Variants in LAMC1 observed in about 807,000 individuals in gnomAD.
LAMC1 encodes laminin subunit gamma 1.
Under a neutral mutation model 173.6 loss-of-function variants are expected in LAMC1, and 38 were observed. The observed-to-expected ratio is 0.22, with a 90% confidence interval of 0.17 to 0.29. LAMC1 has a LOEUF of 0.29. Ranked by LOEUF, LAMC1 falls within the 10% of genes least tolerant of loss-of-function variation. LAMC1 has a pLI of 1.00. For missense variants in LAMC1, 1,824 were observed against 2,051.8 expected (o/e 0.89, Z 2.14); for synonymous variants, 746 against 749.1 (o/e 1.00, Z 0.07).
At chr1:183,106,226 C>T (rs1186545168) in intron 2 of LAMC1, among the ~76,000 whole-genome samples, 1 of 152,168 alleles carries the variant, frequency 6.6e-6, no homozygotes, top group East Asian at 1.9e-4. Flanking sequence ...TTTTGAGAAG[C>T]TCTTATTCAA....
rs1243788218 is a variant in LAMC1, at chr1:183,140,421, A to G, written c.4491A>G (p.Gln1497=). 9 of 1,612,872 alleles carry G rather than the reference A, an allele frequency of 5.6e-6. No individual in the cohort carries two copies. In the Admixed American group the frequency reaches 1.0e-4, roughly 18 times the overall value. ...MMAGMASQAA[Q]EAEINARKAK... ...CCTTACAGGCTTCACAGGCTGCTCAAGAAGCCGAGATCAATGCCAGAAAAG... is the reference window on the plus strand; with the variant it reads ...CCTTACAGGCTTCACAGGCTGCTCAGGAAGCCGAGATCAATGCCAGAAAAG... Residue 1497 remains glutamine, a synonymous_variant, in exon 27 of 28, where the codon CAA becomes CAG. Transcript: ENST00000258341.
intron 1 of LAMC1, among the ~76,000 whole-genome samples, chr1:183,036,124 C>T (rs1558028397): frequency 1.4e-5 from 2 of 144,312 alleles, no homozygotes; most frequent in Non-Finnish European, 1.5e-5. Flanking sequence ...TTTAAGACAG[C>T]GTCTTGCTCT....
chr1:183,082,766 G>C (rs1327310251), intron 1 of LAMC1, among the ~76,000 whole-genome samples: 1 of 152,200 alleles, frequency 6.6e-6, no homozygotes, highest in Non-Finnish European at 1.5e-5. Context: ...TTAATTGGGG[G>C]TTTATTAGGA....
At chr1:183,029,786 CAG>C (rs1239038916) in intron 1 of LAMC1, among the ~76,000 whole-genome samples, 4 of 152,158 alleles carry the variant, frequency 2.6e-5, no homozygotes, top group African/African-American at 4.8e-5. Context: ...AAGGACGAGT[CAG>C]GGGTTTAGTA....
intron 13 of LAMC1, 118 bp from the exon 14 acceptor site, chr1:183,124,513 A>G (rs1167733544): frequency 2.1e-5 from 27 of 1,269,798 alleles, no homozygotes; most frequent in Non-Finnish European, 2.8e-5. Context: ...TCTGCCCTCC[A>G]CTGCACCATG....
chr1:183,137,897 T>G lies in LAMC1; in HGVS notation c.4473+70T>G. The G allele has an allele frequency of 4.6e-6, 6 of 1,307,366 alleles. No individual in the cohort carries two copies. In the South Asian group the frequency reaches 9.8e-5, roughly 21 times the overall value. 81.0% of individuals were successfully genotyped at this position (1,307,366 alleles called of 1,614,324 possible). On this transcript the variant is annotated intron_variant, in intron 26 of 27. Transcript: ENST00000258341. ...TGTTTAATAATAAAGATCCCCCACT[T>G]GTTGAGAAGAGTCTTTTTTATATTG...
chr1:183,088,061 C>A (rs1383719603), intron 1 of LAMC1, among the ~76,000 whole-genome samples: 1 of 152,094 alleles, frequency 6.6e-6, no homozygotes, highest in Non-Finnish European at 1.5e-5. Context: ...GATCCGCCTC[C>A]CAAAGTGCTG....
At chr1:183,129,250 G>A (rs74551244) in intron 18 of LAMC1, among the ~76,000 whole-genome samples, 1 of 151,500 alleles carries the variant, frequency 6.6e-6, no homozygotes, top group Non-Finnish European at 1.5e-5. Flanking sequence ...CCATGCCCGG[G>A]GTAATTTTTT....
chr1:183,078,448 G>C (rs1179389392), intron 1 of LAMC1, among the ~76,000 whole-genome samples: 1 of 151,976 alleles, frequency 6.6e-6, no homozygotes, highest in Non-Finnish European at 1.5e-5. Context: ...CGGGTGTGGT[G>C]GTGGGCGCCT....
At chr1:183,068,438 G>T (rs1316330125) in intron 1 of LAMC1, among the ~76,000 whole-genome samples, 1 of 152,178 alleles carries the variant, frequency 6.6e-6, no homozygotes, top group Non-Finnish European at 1.5e-5. Flanking sequence ...AACCAGAAAG[G>T]TTTAGGGATA....
intron 1 of LAMC1, among the ~76,000 whole-genome samples, chr1:183,035,531 A>G (rs1653958491): frequency 6.6e-6 from 1 of 152,172 alleles, no homozygotes; most frequent in Non-Finnish European, 1.5e-5. Flanking sequence ...GGGCATATGT[A>G]CTAGTTGTAT....
chr1:183,117,049 G>A (rs2102084399), intron 8 of LAMC1, 146 bp downstream of exon 8: 1 of 873,492 alleles, frequency 1.1e-6, no homozygotes, highest in East Asian at 2.7e-5. Context: ...TTGTAGTTTG[G>A]CCTTTTAATT....
intron 16 of LAMC1, among the ~76,000 whole-genome samples, chr1:183,126,720 CT>C (rs1198959717): frequency 3.3e-5 from 5 of 152,256 alleles, no homozygotes; most frequent in Non-Finnish European, 5.9e-5. Flanking sequence ...GGCATAAACA[CT>C]TGCCTGGAAT....
At chr1:183,036,974 C>T (rs1468806455) in intron 1 of LAMC1, among the ~76,000 whole-genome samples, 1 of 152,034 alleles carries the variant, frequency 6.6e-6, no homozygotes, top group African/African-American at 2.4e-5. Context: ...TGGGGTTTTG[C>T]CATGTTGGTC....
chr1:183,075,292 T>C (rs528677147), intron 1 of LAMC1, among the ~76,000 whole-genome samples: 1 of 152,264 alleles, frequency 6.6e-6, no homozygotes, highest in Non-Finnish European at 1.5e-5. Context: ...ACTTGGCTAA[T>C]TTTTACAAGG....
intron 1 of LAMC1, among the ~76,000 whole-genome samples, chr1:183,062,389 A>G (rs1571416063): frequency 6.6e-6 from 1 of 152,158 alleles, no homozygotes; most frequent in Non-Finnish European, 1.5e-5. Context: ...GAGAAATAGG[A>G]GGAAATTTTG....
intron 24 of LAMC1, 37 bp downstream of exon 24, chr1:183,135,193 G>A (rs1359509139): frequency 1.7e-5 from 21 of 1,258,182 alleles, no homozygotes; most frequent in East Asian, 4.8e-5. Context: ...AAATGCTTCC[G>A]CCACTAGAGT....
At chr1:183,090,872 A>G (rs1299836417) in intron 1 of LAMC1, among the ~76,000 whole-genome samples, 4 of 151,896 alleles carry the variant, frequency 2.6e-5, no homozygotes, top group African/African-American at 9.7e-5. Context: ...TTTTTCCAAG[A>G]GTGTTGTTTT....
intron 1 of LAMC1, among the ~76,000 whole-genome samples, chr1:183,071,582 A>T (rs2102041127): frequency 6.6e-6 from 1 of 152,310 alleles, no homozygotes; most frequent in South Asian, 2.1e-4. Flanking sequence ...GCAGTGAAAA[A>T]TTTGAGTCCC....
Sources: allele counts gnomAD v4.1 joint callset (sites outside exome capture counted in the v4.1 genomes callset), GRCh38; gene constraint gnomAD v4.1.1; transcripts MANE v1.5; gene names NCBI Gene and HGNC (gene_info 2026-07-23, HGNC 2026-07-21).